The following CNTN5 variants were observed in gnomAD, a reference collection of about 807,000 sequenced individuals.
CNTN5 encodes contactin 5.
A neutral mutation model predicts 129.1 loss-of-function variants in CNTN5; 77 were observed. The ratio of observed to expected loss-of-function variants is 0.60; its 90% CI spans 0.50 to 0.72. The LOEUF (loss-of-function observed/expected upper bound fraction) is 0.72, where lower values mean the gene tolerates loss of function less well. Among genes scored for constraint, CNTN5 ranks in the 30% least tolerant of loss-of-function variants. The pLI, the probability that CNTN5 is intolerant of heterozygous loss-of-function variation, is 0.00. For synonymous variants in CNTN5, 509 were observed against 465.6 expected, an observed-to-expected ratio of 1.09 and a Z score of -1.20; for missense variants, 1,478 against 1,328.8, an observed-to-expected ratio of 1.11 and a Z score of -1.75.
chr11:99,653,495 A>G (rs914108231), intron 3 of CNTN5, among the ~76,000 whole-genome samples: 1 of 152,006 alleles, frequency 6.6e-6, no homozygotes, highest in African/African-American at 2.4e-5. Context: ...TTGAAGAATT[A>G]CCATATTTAA....
chr11:99,986,557 C>A (rs1938691592), intron 8 of CNTN5, among the ~76,000 whole-genome samples: 2 of 152,162 alleles, frequency 1.3e-5, no homozygotes, highest in Admixed American at 6.5e-5. Flanking sequence ...CTCTTGCAAA[C>A]ATCACATTTC....
chr11:99,822,199 T>A (rs1226550064), intron 4 of CNTN5, among the ~76,000 whole-genome samples: 1 of 152,132 alleles, frequency 6.6e-6, no homozygotes, highest in Non-Finnish European at 1.5e-5. Context: ...GCAAAGATTT[T>A]TATGAAAAAT....
intron 3 of CNTN5, among the ~76,000 whole-genome samples, chr11:99,624,351 T>A (rs1171789220): frequency 6.6e-6 from 1 of 152,152 alleles, no homozygotes; most frequent in East Asian, 1.9e-4. Flanking sequence ...TTAAGTAGTC[T>A]CACTGTTGAC....
chr11:100,089,806 A>G (rs1944688056), intron 13 of CNTN5, among the ~76,000 whole-genome samples: 1 of 152,148 alleles, frequency 6.6e-6, no homozygotes, highest in South Asian at 2.1e-4. Context: ...CAGAAAACCA[A>G]ACACCACATG....
At chr11:99,075,143 G>A (rs1865511385) in intron 1 of CNTN5, among the ~76,000 whole-genome samples, 1 of 152,052 alleles carries the variant, frequency 6.6e-6, no homozygotes, top group Admixed American at 6.6e-5. Flanking sequence ...TCAATACTCT[G>A]CAAAGATTTA....
chr11:99,452,372 G>GTTT (rs71463577), intron 2 of CNTN5, among the ~76,000 whole-genome samples: 11 of 104,358 alleles, frequency 1.1e-4, no homozygotes, highest in Non-Finnish European at 1.3e-4. Context: ...AAACACAGGT[G>GTTT]TTTTTTTTTT....
chr11:99,477,295 G>T (rs1036475742), intron 2 of CNTN5, among the ~76,000 whole-genome samples: 5 of 151,678 alleles, frequency 3.3e-5, no homozygotes, highest in Non-Finnish European at 1.5e-5. Context: ...TGCATTTTCT[G>T]TATAGTTATT....
chr11:100,201,690 G>T (rs1009898942), intron 15 of CNTN5, among the ~76,000 whole-genome samples: 1 of 151,820 alleles, frequency 6.6e-6, no homozygotes, highest in Non-Finnish European at 1.5e-5. Context: ...ATTGAAATTG[G>T]AAGGATAACT....
intron 3 of CNTN5, among the ~76,000 whole-genome samples, chr11:99,713,283 G>T (rs71569673): frequency 6.6e-6 from 1 of 151,932 alleles, no homozygotes; most frequent in African/African-American, 2.4e-5. Context: ...TTGGCTCTCT[G>T]TTTTTTGTTG....
chr11:100,085,861 A>G (rs947727351), intron 13 of CNTN5, among the ~76,000 whole-genome samples: 4 of 152,186 alleles, frequency 2.6e-5, no homozygotes, highest in Admixed American at 2.0e-4. Context: ...AAGAAAGAAG[A>G]AAATAAAATC....
At chr11:99,628,800 A>T (rs2135792760) in intron 3 of CNTN5, among the ~76,000 whole-genome samples, 1 of 152,192 alleles carries the variant, frequency 6.6e-6, no homozygotes, top group South Asian at 2.1e-4. Flanking sequence ...TTTGTCAGGG[A>T]AATGGAATTG....
intron 13 of CNTN5, among the ~76,000 whole-genome samples, chr11:100,183,640 G>T (rs1258757432): frequency 6.6e-6 from 1 of 152,112 alleles, no homozygotes; most frequent in African/African-American, 2.4e-5. Context: ...CTGGGGGAAT[G>T]CAAGGGAACA....
intron 1 of CNTN5, among the ~76,000 whole-genome samples, chr11:99,215,508 T>C (rs1860070484): frequency 2.0e-5 from 3 of 152,086 alleles, no homozygotes; most frequent in Admixed American, 2.0e-4. Context: ...CTCCATGATA[T>C]TTGGTTTGAG....
intron 13 of CNTN5, among the ~76,000 whole-genome samples, chr11:100,076,801 G>T (rs1415286555): frequency 1.3e-5 from 2 of 151,772 alleles, no homozygotes; most frequent in Non-Finnish European, 2.9e-5. Flanking sequence ...GACATATATT[G>T]CATTTTTATT....
intron 1 of CNTN5, among the ~76,000 whole-genome samples, chr11:99,114,547 T>A (rs1250486248): frequency 6.6e-6 from 1 of 151,842 alleles, no homozygotes; most frequent in African/African-American, 2.4e-5. Context: ...TATTCCTCAT[T>A]CTTAAAACCA....
chr11:100,095,418 A>G (rs1944973127), intron 13 of CNTN5, among the ~76,000 whole-genome samples: 1 of 152,082 alleles, frequency 6.6e-6, no homozygotes, highest in African/African-American at 2.4e-5. Flanking sequence ...GATGTGTTTG[A>G]AACCACCTAG....
intron 1 of CNTN5, among the ~76,000 whole-genome samples, chr11:99,239,454 G>A (rs1861431766): frequency 6.6e-6 from 1 of 152,122 alleles, no homozygotes; most frequent in Non-Finnish European, 1.5e-5. Context: ...CCACATATTA[G>A]GCGACCTCTG....
intron 1 of CNTN5, among the ~76,000 whole-genome samples, chr11:99,171,726 CTTG>C (rs1228697915): frequency 2.0e-5 from 3 of 152,126 alleles, no homozygotes; most frequent in Non-Finnish European, 2.9e-5. Context: ...AGTGTTTTCT[CTTG>C]TTAAGAACCA....
chr11:99,166,005 G>T (rs1860847963), intron 1 of CNTN5, among the ~76,000 whole-genome samples: 2 of 152,160 alleles, frequency 1.3e-5, no homozygotes, highest in South Asian at 2.1e-4. Context: ...TAATCTTTGG[G>T]CAGCCAGTTC....
Sources: gnomAD v4.1 joint callset for allele counts (sites outside exome capture counted in the v4.1 genomes callset) on GRCh38, gnomAD v4.1.1 for gene constraint, MANE v1.5 for transcripts, NCBI Gene and HGNC (gene_info 2026-07-23, HGNC 2026-07-21) for gene names.